Variants in TIAM1 observed in about 807,000 individuals in gnomAD.
TIAM1 encodes TIAM Rac1 associated GEF 1.
In TIAM1, 65 loss-of-function variants were observed where a neutral mutation model predicts 163.5. The observed-to-expected ratio is 0.40, with a 90% CI of 0.33 to 0.49. TIAM1 has a LOEUF of 0.49. TIAM1 is among the 20% of genes least tolerant of loss of function. The pLI, the probability that TIAM1 is intolerant of heterozygous loss-of-function variation, is 0.77. For synonymous variants in TIAM1, 833 were observed against 810.1 expected (o/e 1.03, Z -0.48); for missense variants, 1,789 against 2,044.7 (o/e 0.87, Z 2.41).
intron 2 of TIAM1, among the ~76,000 whole-genome samples, chr21:31,428,079 T>C (rs558757228): frequency 6.6e-6 from 1 of 152,056 alleles, no homozygotes; most frequent in Admixed American, 6.5e-5. Context: ...CTGATCAACA[T>C]GGTGAAACCC....
At position 31,551,145 on chromosome 21, in the gene TIAM1, C is replaced by T. The variant is rs2048671351; in HGVS notation, c.-422+7782G>A. Reference sequence around the variant, plus strand: ...AAGAGAATCGCTTGAACCTGGGAGGCAGAGGTTGCAGTGAGCCAAGATCAT... The same window carrying T: ...AAGAGAATCGCTTGAACCTGGGAGGTAGAGGTTGCAGTGAGCCAAGATCAT... On this transcript the variant is annotated intron_variant, in intron 1 of 28. Coordinates refer to the TIAM1 transcript ENST00000286827. 2.0e-5 allele frequency among the ~76,000 whole-genome samples: 3 copies of T among 152,020 alleles called. No homozygotes were observed. In the South Asian group the frequency reaches 6.2e-4, roughly 32 times the overall value.
intron 2 of TIAM1, among the ~76,000 whole-genome samples, chr21:31,448,664 G>A (rs1213724157): frequency 6.6e-6 from 1 of 150,584 alleles, no homozygotes; most frequent in African/African-American, 2.4e-5. Context: ...GGAAGGTGCT[G>A]AGCATGGAGG....
rs71318260 is a variant in TIAM1 at position 31,213,866 on chromosome 21, C to CCAAAAAAAAAAAAAAA, written c.2143-395_2143-394insTTTTTTTTTTTTTTTG. Among the ~76,000 whole-genome samples the CCAAAAAAAAAAAAAAA allele has an allele frequency of 4.9e-4, 27 of 54,840 alleles. 2 individuals carry two copies. The highest frequency in any genetic ancestry group is 1.3e-3 in the African/African-American group (21 of 16,110). 36.0% of individuals were successfully genotyped at this position (54,840 alleles called of 152,430 possible). ...GCAATATAGTTAGACCTCATCTCTA[C>CCAAAAAAAAAAAAAAA]AAAAAAAAAAAAAAAAAAAGAATTA... On this transcript the variant is annotated intron_variant, in intron 9 of 27. Coordinates refer to ENST00000541036, the MANE Select transcript of TIAM1 (RefSeq NM_001353694.2).
At chr21:31,362,627 C>G (rs755290479) in intron 2 of TIAM1, among the ~76,000 whole-genome samples, 2 of 151,768 alleles carry the variant, frequency 1.3e-5, no homozygotes, top group Non-Finnish European at 2.9e-5. Context: ...CTACCACACC[C>G]GGCTAATTTT....
chr21:31,520,174 T>C (rs1286553683), intron 1 of TIAM1, among the ~76,000 whole-genome samples: 1 of 151,894 alleles, frequency 6.6e-6, no homozygotes, highest in African/African-American at 2.4e-5. Flanking sequence ...CTACTAACAA[T>C]ACAAAAATTA....
intron 11 of TIAM1, among the ~76,000 whole-genome samples, chr21:31,207,097 T>A (rs1390065785): frequency 1.3e-5 from 2 of 152,190 alleles, no homozygotes; most frequent in East Asian, 3.8e-4. Flanking sequence ...CATGGTCACA[T>A]GTGAATAATA....
In TIAM1 at chr21:31,120,718, C is replaced by T. The variant is rs143258724; in HGVS notation, c.4426G>A (p.Gly1476Ser). ...SPEKESQQPP[G>S]GGDTDRWVEE... The stretch of plus-strand genomic sequence containing the variant: ...ACCCATCGGTCAGTGTCCCCACCAC[C>T]GGGGGGCTGCTGGGACTCTTTCTCC... Residue 1476 changes from glycine (G) to serine (S), a missense_variant, in exon 28 of 28, where the codon GGT (glycine) becomes AGT (serine). This residue lies in a region of TIAM1 where 415 missense variants were observed against 439.2 expected (regional missense o/e 0.94). Coordinates refer to ENST00000541036, the MANE Select transcript of TIAM1 (RefSeq NM_001353694.2). This position sits in a 1 kb window ranked among gnomAD's most constrained non-coding sequence, Gnocchi z 4.2. The T allele has an allele frequency of 1.5e-5, 25 of 1,613,892 alleles. No individual in the cohort carries two copies. The highest frequency in any genetic ancestry group is 1.2e-4 in the South Asian group (11 of 91,068).
intron 4 of TIAM1, among the ~76,000 whole-genome samples, chr21:31,258,793 G>A (rs749649845): frequency 5.0e-4 from 73 of 146,142 alleles, no homozygotes; most frequent in Non-Finnish European, 6.4e-4. Flanking sequence ...CCAGCCTGGC[G>A]ACAGAGTGAG....
intron 1 of TIAM1, among the ~76,000 whole-genome samples, chr21:31,498,529 G>A (rs1292580731): frequency 6.6e-6 from 1 of 152,218 alleles, no homozygotes; most frequent in Non-Finnish European, 1.5e-5. Context: ...GTGCTTTGGG[G>A]AAGGATTTGA....
chr21:31,453,226 G>A (rs866731058), intron 2 of TIAM1: 2 of 256,798 alleles, frequency 7.8e-6, no homozygotes, highest in Middle Eastern at 4.7e-4. Context: ...CTAAATAAAC[G>A]GATTGCTTTT....
At chr21:31,482,904 C>G (rs2046161002) in intron 1 of TIAM1, among the ~76,000 whole-genome samples, 1 of 152,156 alleles carries the variant, frequency 6.6e-6, no homozygotes, top group Non-Finnish European at 1.5e-5. Flanking sequence ...GCTACTGTGC[C>G]AGGCCCTGGG....
chr21:31,128,531 G>A (rs968864630), intron 25 of TIAM1, among the ~76,000 whole-genome samples: 2 of 152,140 alleles, frequency 1.3e-5, no homozygotes, highest in Admixed American at 1.3e-4. Flanking sequence ...CCTGGCATGA[G>A]GAAACAAAGG....
chr21:31,528,745 C>T (rs919369146), intron 1 of TIAM1, among the ~76,000 whole-genome samples: 3 of 149,994 alleles, frequency 2.0e-5, no homozygotes, highest in African/African-American at 4.9e-5. Flanking sequence ...GCGGAGGTTG[C>T]AGTGAGTGGA....
At position 31,466,031 on chromosome 21, in the gene TIAM1, G is replaced by A. The variant is rs866134155; in HGVS notation, c.-421-1996C>T. On this transcript the variant is annotated intron_variant, in intron 1 of 28. Coordinates refer to the TIAM1 transcript ENST00000286827. ...TTCTTACAGGTCTTGATATTCAGGC[G>A]AGGTTGAACTAGAGGTCCTTGAGGA... is the stretch of plus-strand genomic sequence containing the variant. Among the ~76,000 whole-genome samples the A allele has an allele frequency of 1.3e-5, 2 of 152,196 alleles. 1 individual carries two copies. The highest frequency in any genetic ancestry group is 2.9e-5 in the Non-Finnish European group (2 of 68,044).
At chr21:31,478,786 G>C (rs1426377404) in intron 1 of TIAM1, among the ~76,000 whole-genome samples, 2 of 152,246 alleles carry the variant, frequency 1.3e-5, no homozygotes, top group East Asian at 3.9e-4. Context: ...CAACTCCATA[G>C]ATGTGTCAAG....
chr21:31,232,502 A>G (rs1400619058), intron 6 of TIAM1, among the ~76,000 whole-genome samples: 2 of 152,154 alleles, frequency 1.3e-5, no homozygotes, highest in African/African-American at 4.8e-5. Context: ...CGAACTCTCC[A>G]CTGACTGCTT....
intron 16 of TIAM1, among the ~76,000 whole-genome samples, chr21:31,158,894 G>A (rs1286632464): frequency 2.0e-5 from 3 of 152,032 alleles, no homozygotes; most frequent in African/African-American, 7.2e-5. Flanking sequence ...GCTTTGCCCC[G>A]CTCCACCACT....
chr21:31,245,703 G>C (rs757090945), intron 5 of TIAM1, 43 bp from the exon 6 acceptor site: 2 of 1,388,384 alleles, frequency 1.4e-6, no homozygotes, highest in East Asian at 2.7e-5. Flanking sequence ...TTCAGTGCTT[G>C]GGAAACAAAA....
intron 19 of TIAM1, among the ~76,000 whole-genome samples, chr21:31,147,394 TC>T (rs970058306): frequency 6.6e-6 from 1 of 151,858 alleles, no homozygotes. Flanking sequence ...TGCTCATACC[TC>T]CCGCCCCCGA....
Sources: gnomAD v4.1 joint callset for allele counts (sites outside exome capture counted in the v4.1 genomes callset) on GRCh38, gnomAD v4.1.1 for gene constraint, gnomAD v4.1.1 regional missense constraint, Gnocchi (gnomAD v3.1) non-coding constraint, MANE v1.5 for transcripts, NCBI Gene and HGNC (gene_info 2026-07-23, HGNC 2026-07-21) for gene names.